Variants in CDH20 observed in about 807,000 individuals in gnomAD.
CDH20 encodes the protein cadherin 20, also known as cadherin-20.
In CDH20, 29 loss-of-function variants were observed where a neutral mutation model predicts 74.2. The ratio of observed to expected loss-of-function variants is 0.39; its 90% CI spans 0.29 to 0.53. The LOEUF is 0.53. Ranked by LOEUF, CDH20 falls within the 20% of genes least tolerant of loss-of-function variation. The pLI, the probability that CDH20 is intolerant of heterozygous loss-of-function variation, is 0.69. For missense variants in CDH20, 988 were observed against 1,048.3 expected, an observed-to-expected ratio of 0.94 and a Z score of 0.79; for synonymous variants, 469 against 405.4, an observed-to-expected ratio of 1.16 and a Z score of -1.88.
chr18:61,515,390 G>C (rs983013879), intron 6 of CDH20, among the ~76,000 whole-genome samples: 2 of 151,920 alleles, frequency 1.3e-5, no homozygotes, highest in African/African-American at 2.4e-5. Flanking sequence ...ACTGACCTGC[G>C]CCCACTGTCT....
At chr18:61,430,748 CT>C (rs575049143) in intron 1 of CDH20, among the ~76,000 whole-genome samples, 16 of 152,274 alleles carry the variant, frequency 1.1e-4, no homozygotes, top group South Asian at 1.0e-3. Flanking sequence ...CCCTTGGGAG[CT>C]CTTCCAGATT....
In CDH20 at chr18:61,554,552, T is replaced by A. The variant is rs1156391282; in HGVS notation, c.2263T>A (p.Ser755Thr). ...LQTYMFEGDG[S>T]VAGSLSSLQS... is the part of the protein sequence containing the mutation. ...GACGTATATGTTCGAGGGGGACGGC[T>A]CTGTGGCGGGGTCGCTGAGCTCCCT... The change falls in exon 12 of 12, where the codon TCT becomes ACT. Residue 755 changes from serine (S) to threonine (T), a missense_variant. By Grantham distance (58) the Ser-to-Thr change is moderately conservative. This residue lies in a region of CDH20 where 375 missense variants were observed against 293.1 expected (regional missense o/e 1.28). Transcript: ENST00000262717. 1.2e-6 allele frequency: 2 copies of A among 1,612,872 alleles called. No homozygotes were observed. Among genetic ancestry groups the A allele is most frequent in the Non-Finnish European group, 1.7e-6 (2 of 1,179,850 alleles).
chr18:61,457,337 C>A (rs1909606913), intron 1 of CDH20, among the ~76,000 whole-genome samples: 1 of 152,024 alleles, frequency 6.6e-6, no homozygotes, highest in Non-Finnish European at 1.5e-5. Context: ...AGAGTTTTGC[C>A]AAATGCTGTT....
intron 1 of CDH20, among the ~76,000 whole-genome samples, chr18:61,348,274 T>C (rs1668864583): frequency 6.6e-6 from 1 of 152,226 alleles, no homozygotes; most frequent in South Asian, 2.1e-4. Context: ...GAACTATCTC[T>C]GATCCTTTTC....
rs112779187 is a variant in CDH20 at position 61,463,596 on chromosome 18, T to C, written c.-152-26806T>C. ...CCCTTTGGCTTCCTTCTCTTCTCTT[T>C]GGGAGGCTGTGCGTTGGGGGAGAAA... On this transcript the variant is annotated intron_variant, in intron 1 of 11. Coordinates refer to ENST00000262717, the MANE Select transcript of CDH20 (RefSeq NM_031891.4). Among the ~76,000 whole-genome samples the C allele has an allele frequency of 9.9e-3, 1,510 of 152,226 alleles. 20 individuals are homozygous for C. Among genetic ancestry groups the C allele is most frequent in the African/African-American group, 0.033 (1,381 of 41,534 alleles).
intron 1 of CDH20, among the ~76,000 whole-genome samples, chr18:61,435,331 C>T (rs33957948): frequency 0.25 from 38,599 of 151,932 alleles, 5,437 homozygotes; most frequent in Non-Finnish European, 0.32. Flanking sequence ...AGGCAGGATG[C>T]TGTCAATACC....
intron 1 of CDH20, among the ~76,000 whole-genome samples, chr18:61,430,036 G>A (rs1168796802): frequency 6.6e-6 from 1 of 151,276 alleles, no homozygotes; most frequent in African/African-American, 2.4e-5. Flanking sequence ...TCTATGGAGT[G>A]GCTCAGCAAC....
intron 1 of CDH20, among the ~76,000 whole-genome samples, chr18:61,459,366 AT>A (rs1245535405): frequency 6.6e-6 from 1 of 152,176 alleles, no homozygotes; most frequent in Non-Finnish European, 1.5e-5. Context: ...ATAAACACTG[AT>A]TTTTAAAATA....
rs1319215829 is a variant in CDH20, at chr18:61,353,748, C to T, written c.-153+19921C>T. Among the ~76,000 whole-genome samples, 2 of 152,178 alleles carry T rather than the reference C, an allele frequency of 1.3e-5. No individual in the cohort carries two copies. The highest frequency in any genetic ancestry group is 2.1e-4 in the South Asian group (1 of 4,818). ...ACAGCAGCTACTAACTACACAAGGA[C>T]GTTCAGCTTTAAACTTATGTTAATA... On this transcript the variant is annotated intron_variant, in intron 1 of 11. Coordinates refer to ENST00000262717, the MANE Select transcript of CDH20 (RefSeq NM_031891.4). The surrounding 1 kb of genome is among the most constrained non-coding windows in gnomAD (Gnocchi z 4.6).
At chr18:61,517,695 T>TTTTGTTG (rs1555682484) in intron 6 of CDH20, among the ~76,000 whole-genome samples, 1 of 151,916 alleles carries the variant, frequency 6.6e-6, no homozygotes, top group African/African-American at 2.4e-5. Flanking sequence ...TGCAGTTTTT[T>TTTTGTTG]TTGTTGTTGT....
In CDH20 at chr18:61,505,335, CTTT is replaced by C. The variant is rs35833642; in HGVS notation, c.830-2020_830-2018del. Among the ~76,000 whole-genome samples, 630 of 117,416 alleles carry C rather than the reference CTTT, an allele frequency of 5.4e-3. 4 individuals are homozygous for C. The highest frequency in any genetic ancestry group is 0.014 in the African/African-American group (422 of 30,652). 77.0% of individuals were successfully genotyped at this position (117,416 alleles called of 152,430 possible). A position where few individuals can be genotyped will look rare whatever the true frequency, so the allele number is the denominator to read the frequency against. On this transcript the variant is annotated intron_variant, in intron 5 of 11. Coordinates refer to ENST00000262717, the MANE Select transcript of CDH20 (RefSeq NM_031891.4). ...TTAGTCTTGCCTCCGAAACCAATAT[CTTT>C]TTTTTTTTTTTTTTTTTGAGACAGG...
chr18:61,524,546 A>C (rs887681841), intron 6 of CDH20, among the ~76,000 whole-genome samples: 2 of 152,244 alleles, frequency 1.3e-5, no homozygotes, highest in Non-Finnish European at 1.5e-5. Flanking sequence ...AAAAAAACAC[A>C]AATGTATCTC....
At chr18:61,526,570 C>T (rs1201676315) in intron 6 of CDH20, among the ~76,000 whole-genome samples, 4 of 151,916 alleles carry the variant, frequency 2.6e-5, no homozygotes, top group African/African-American at 9.7e-5. Context: ...CTTAACATTC[C>T]GAGATGTTCT....
At chr18:61,542,344 T>C (rs573851821) in intron 9 of CDH20, among the ~76,000 whole-genome samples, 152 of 152,216 alleles carry the variant, frequency 1.0e-3, no homozygotes, top group African/African-American at 3.2e-3. Context: ...TCAGGTTCAA[T>C]AGTTGGGGTC....
chr18:61,386,344 G>A (rs1911600145), intron 1 of CDH20, among the ~76,000 whole-genome samples: 1 of 152,138 alleles, frequency 6.6e-6, no homozygotes. Flanking sequence ...TTTAAAAAAG[G>A]CCTGAGAGAG....
intron 1 of CDH20, among the ~76,000 whole-genome samples, chr18:61,365,585 A>T (rs1174835208): frequency 6.6e-6 from 1 of 152,174 alleles, no homozygotes; most frequent in Admixed American, 6.5e-5. Context: ...AACTCAAAAC[A>T]ACCCCCTTCC....
rs576629819 is a variant in CDH20 at position 61,530,962 on chromosome 18, A to G, written c.1271+2742A>G. On this transcript the variant is annotated intron_variant, in intron 7 of 11. Transcript: ENST00000262717. The stretch of plus-strand genomic sequence containing the variant: ...TACTGCTGGCTCTGGGCAGCTTTGT[A>G]CCTGCATGATGCCGATTCTGCTCAT... Among the ~76,000 whole-genome samples, 6 of 152,308 alleles carry G rather than the reference A, an allele frequency of 3.9e-5. No individual in the cohort carries two copies. The South Asian group carries it at 1.0e-3, about 26-fold the overall frequency.
intron 1 of CDH20, among the ~76,000 whole-genome samples, chr18:61,364,289 A>G (rs889597687): frequency 3.9e-5 from 6 of 152,076 alleles, no homozygotes; most frequent in Admixed American, 3.3e-4. Context: ...CCATAGGTGG[A>G]GAAGTGAATG....
In CDH20 at chr18:61,507,483, G is replaced by A; in HGVS notation, c.940G>A (p.Val314Met). ...CAATGCAGAGATGAAATATACTATT[G>A]TGGATGGAGATGGTGCAGATGCCTT... ...GINAEMKYTI[V>M]DGDGADAFDI... The change falls in exon 6 of 12, where the codon GTG becomes ATG. Residue 314 changes from valine (V) to methionine (M), a missense_variant. Val to Met is a conservative substitution (Grantham distance 21, BLOSUM62 1). Around this residue, in one of 2 missense-constraint regions of CDH20, gnomAD observed 613 missense variants for 755.2 expected, o/e 0.81. Coordinates refer to ENST00000262717, the MANE Select transcript of CDH20 (RefSeq NM_031891.4). 6.2e-7 allele frequency: 1 copy of A among 1,614,032 alleles called. No homozygotes were observed. Among genetic ancestry groups the A allele is most frequent in the Non-Finnish European group, 8.5e-7 (1 of 1,179,954 alleles).
Sources: allele counts gnomAD v4.1 joint callset (sites outside exome capture counted in the v4.1 genomes callset), GRCh38; gene constraint gnomAD v4.1.1; regional missense constraint gnomAD v4.1.1; non-coding constraint Gnocchi (gnomAD v3.1); transcripts MANE v1.5; gene names NCBI Gene and HGNC (gene_info 2026-07-23, HGNC 2026-07-21).